The following SNX29 variants were observed in gnomAD, a reference collection of about 807,000 sequenced individuals.
The protein encoded by SNX29 is sorting nexin 29, also known as sorting nexin-29.
SNX29 carries 78 observed loss-of-function variants against 102.1 expected under a neutral mutation model. That is an observed-to-expected ratio of 0.76 (90% CI 0.64 to 0.92). The LOEUF is 0.92. Ranked by LOEUF, SNX29 falls within the 40% of genes least tolerant of loss-of-function variation. The pLI, the probability that SNX29 is intolerant of heterozygous loss-of-function variation, is 0.00. For missense variants in SNX29, 1,280 were observed against 1,061.7 expected (o/e 1.21, Z -2.86); for synonymous variants, 580 against 414.5 (o/e 1.40, Z -4.85).
chr16:12,534,091 C>T (rs892096379), intron 20 of SNX29, among the ~76,000 whole-genome samples: 1 of 152,186 alleles, frequency 6.6e-6, no homozygotes, highest in Non-Finnish European at 1.5e-5. Flanking sequence ...TCCCACTTGA[C>T]CCCAGGGGAT....
intron 19 of SNX29, among the ~76,000 whole-genome samples, chr16:12,493,978 C>A (rs867957692): frequency 2.0e-5 from 3 of 152,198 alleles, no homozygotes; most frequent in Non-Finnish European, 4.4e-5. Flanking sequence ...ATTTCTTCTT[C>A]CCTTTCTTGC....
chr16:12,288,435 C>T (rs1039394828), intron 15 of SNX29, among the ~76,000 whole-genome samples: 3 of 152,168 alleles, frequency 2.0e-5, no homozygotes, highest in African/African-American at 4.8e-5. Flanking sequence ...TGAGCTGCCA[C>T]CCTCTGTTTG....
In SNX29 at chr16:12,571,087, C is replaced by T. The variant is rs1393314568; in HGVS notation, c.*2458C>T. 3 of 232,684 alleles carry T rather than the reference C, an allele frequency of 1.3e-5. No individual in the cohort carries two copies. Among genetic ancestry groups the T allele is most frequent in the South Asian group, 3.6e-4 (2 of 5,534 alleles). 14.4% of individuals were successfully genotyped at this position (232,684 alleles called of 1,614,324 possible). ...GGTGGCCCGCACATGACAGCAACTC[C>T]CCGAAGCCTTCCCTTTGGAATCCCA... On this transcript the variant is annotated 3_prime_UTR_variant, in exon 21 of 21. Transcript: ENST00000566228.
At chr16:12,521,360 CACTTGGGAGGG>C (rs1209575256) in intron 19 of SNX29, among the ~76,000 whole-genome samples, 8 of 151,770 alleles carry the variant, frequency 5.3e-5, no homozygotes, top group African/African-American at 1.9e-4. Context: ...GAGGAGTGAG[CACTTGGGAGGG>C]ACTTGGGATT....
At chr16:12,204,130 A>C (rs1704130) in intron 14 of SNX29, among the ~76,000 whole-genome samples, 89,201 of 151,994 alleles carry the variant, frequency 0.59, 29,770 homozygotes, top group Non-Finnish European at 0.73. Flanking sequence ...AGGCCATCGC[A>C]CAGAAAGAGC....
At chr16:12,377,076 C>A (rs1413962305) in intron 16 of SNX29, among the ~76,000 whole-genome samples, 1 of 152,112 alleles carries the variant, frequency 6.6e-6, no homozygotes, top group Non-Finnish European at 1.5e-5. Context: ...GGATCAAGGA[C>A]CTGGGAAAGA....
intron 20 of SNX29, among the ~76,000 whole-genome samples, chr16:12,544,142 C>A (rs545518639): frequency 1.3e-5 from 2 of 152,180 alleles, no homozygotes; most frequent in African/African-American, 4.8e-5. Flanking sequence ...CTATATTCAC[C>A]GGCATCATTC....
At chr16:12,295,890 C>T (rs142632111) in intron 15 of SNX29, among the ~76,000 whole-genome samples, 54 of 152,174 alleles carry the variant, frequency 3.5e-4, no homozygotes, top group Non-Finnish European at 6.6e-4. Flanking sequence ...CCAACTTCTG[C>T]GCCCAGCGCT....
chr16:12,241,029 C>T (rs1250298696), intron 14 of SNX29, among the ~76,000 whole-genome samples: 2 of 151,924 alleles, frequency 1.3e-5, no homozygotes, highest in South Asian at 2.1e-4. Context: ...GAATTTCTTC[C>T]GTTTGTAGTA....
At chr16:12,479,249 G>A (rs2087797273) in intron 19 of SNX29, among the ~76,000 whole-genome samples, 1 of 152,226 alleles carries the variant, frequency 6.6e-6, no homozygotes, top group African/African-American at 2.4e-5. Flanking sequence ...AAGCCATGTG[G>A]CAGATGCCAT....
chr16:12,059,190 A>G (rs1339340007), intron 8 of SNX29, among the ~76,000 whole-genome samples: 1 of 152,128 alleles, frequency 6.6e-6, no homozygotes, highest in Non-Finnish European at 1.5e-5. Context: ...GGGAAGGGTC[A>G]AGAATTATCT....
intron 15 of SNX29, among the ~76,000 whole-genome samples, chr16:12,321,222 TC>T (rs1442197842): frequency 6.6e-6 from 1 of 151,916 alleles, no homozygotes; most frequent in Non-Finnish European, 1.5e-5. Flanking sequence ...GACCTCATAG[TC>T]CCCCTTAGTT....
chr16:11,982,977 C>A (rs778824850), intron 1 of SNX29, among the ~76,000 whole-genome samples: 1 of 152,058 alleles, frequency 6.6e-6, no homozygotes, highest in African/African-American at 2.4e-5. Context: ...GTTGTCCAGG[C>A]TGGAGTGCAG....
intron 15 of SNX29, among the ~76,000 whole-genome samples, chr16:12,339,770 A>T (rs1049568630): frequency 1.3e-5 from 2 of 152,200 alleles, no homozygotes; most frequent in African/African-American, 4.8e-5. Flanking sequence ...AGTAGCTCTA[A>T]CAAGATTCTT....
At chr16:12,343,318 G>A (rs2081670604) in intron 15 of SNX29, among the ~76,000 whole-genome samples, 1 of 152,230 alleles carries the variant, frequency 6.6e-6, no homozygotes, top group Non-Finnish European at 1.5e-5. Context: ...GACTTGGTGT[G>A]CTAGTGTTAG....
At chr16:12,498,690 T>A (rs1253438242) in intron 19 of SNX29, among the ~76,000 whole-genome samples, 1 of 152,238 alleles carries the variant, frequency 6.6e-6, no homozygotes, top group Non-Finnish European at 1.5e-5. Flanking sequence ...TCTAGTAATC[T>A]CTGAATAGCA....
chr16:12,165,651 C>T (rs1311775666), intron 13 of SNX29, among the ~76,000 whole-genome samples: 1 of 152,222 alleles, frequency 6.6e-6, no homozygotes, highest in Non-Finnish European at 1.5e-5. Flanking sequence ...ACCTCTGCCT[C>T]CCAGGTTCAA....
intron 19 of SNX29, among the ~76,000 whole-genome samples, chr16:12,523,483 C>T (rs1162099122): frequency 1.3e-5 from 2 of 152,228 alleles, no homozygotes; most frequent in Non-Finnish European, 2.9e-5. Flanking sequence ...GCTCACTGCC[C>T]AGGGTGTCTT....
intron 20 of SNX29, among the ~76,000 whole-genome samples, chr16:12,560,341 G>C (rs942513157): frequency 2.0e-5 from 3 of 152,028 alleles, no homozygotes; most frequent in East Asian, 1.9e-4. Flanking sequence ...TTACCGAAGG[G>C]GGATTTACAT....
Sources: allele counts gnomAD v4.1 joint callset (sites outside exome capture counted in the v4.1 genomes callset), GRCh38; gene constraint gnomAD v4.1.1; transcripts MANE v1.5; gene names NCBI Gene and HGNC (gene_info 2026-07-23, HGNC 2026-07-21).